SLC4A5: variants seen among roughly 807,000 people sequenced by gnomAD.
SLC4A5 encodes electrogenic sodium bicarbonate cotransporter 4.
In SLC4A5, 96 loss-of-function variants were observed where a neutral mutation model predicts 120.4. The ratio of observed to expected loss-of-function variants is 0.80; its 90% CI spans 0.68 to 0.94. The LOEUF is 0.94. Ranked by LOEUF, SLC4A5 falls within the 40% of genes least tolerant of loss-of-function variation. The probability of loss-of-function intolerance (pLI) is 0.00; values close to 1 mark genes in which losing one functional copy is unlikely to be tolerated. For missense variants in SLC4A5, 1,259 were observed against 1,459.5 expected (o/e 0.86, Z 2.24); for synonymous variants, 550 against 571.1 (o/e 0.96, Z 0.53).
chr2:74,264,967 G>A, intron 9 of SLC4A5, 137 bp downstream of exon 9: 2 of 956,972 alleles, frequency 2.1e-6, no homozygotes, highest in Non-Finnish European at 1.5e-6. Flanking sequence ...GGGAGCAACA[G>A]AGTCAAAGCT....
chr2:74,229,554 C>A (rs574432883), intron 25 of SLC4A5, among the ~76,000 whole-genome samples: 1 of 152,208 alleles, frequency 6.6e-6, no homozygotes, highest in South Asian at 2.1e-4. Context: ...CCACACCCAG[C>A]CTGATTCGAG....
Position 74,246,941 on chromosome 2 carries a change from C to T in SLC4A5, c.2059+95G>A, listed in dbSNP as rs1573022434. On this transcript the variant is annotated intron_variant, in intron 19 of 30. Coordinates refer to ENST00000394019, the Ensembl canonical transcript of SLC4A5. The stretch of plus-strand genomic sequence containing the variant: ...AACTGTAAGCCCTTGGCTGAATGGC[C>T]CCTCCCCAGCAGTAGAAGTAGAGAG... 5 of 1,494,802 alleles carry T rather than the reference C, an allele frequency of 3.3e-6. No homozygotes were observed. The East Asian group carries it at 6.8e-5, about 20-fold the overall frequency. The allele number at this position is 1,494,802 out of a possible 1,614,324, so 92.6% of individuals were successfully genotyped here.
At chr2:74,264,636 T>C (rs568765270) in intron 9 of SLC4A5, among the ~76,000 whole-genome samples, 1 of 152,246 alleles carries the variant, frequency 6.6e-6, no homozygotes, top group African/African-American at 2.4e-5. Flanking sequence ...TGAACTCTTT[T>C]TAGAAAAGTA....
intron 8 of SLC4A5, among the ~76,000 whole-genome samples, chr2:74,271,226 T>C (rs1403696889): frequency 6.6e-6 from 1 of 152,190 alleles, no homozygotes; most frequent in Non-Finnish European, 1.5e-5. Context: ...CCAGCGAGAA[T>C]GCCCCTTCCT....
At chr2:74,269,559 G>A (rs544968038) in intron 8 of SLC4A5, among the ~76,000 whole-genome samples, 1 of 152,026 alleles carries the variant, frequency 6.6e-6, no homozygotes, top group Non-Finnish European at 1.5e-5. Flanking sequence ...TTGAGAGGAT[G>A]CTCAACTTTT....
At chr2:74,218,557 G>C (rs1481559245) in exon 31 of SLC4A5, 1 of 152,542 alleles carries the variant, frequency 6.6e-6, no homozygotes. Context: ...CAGGCACAGA[G>C]AAGTTAAGAC....
At chr2:74,218,593 T>A (rs985081606) in exon 31 of SLC4A5, 1 of 152,556 alleles carries the variant, frequency 6.6e-6, no homozygotes, top group Non-Finnish European at 1.5e-5. Context: ...TAAGCCAGGC[T>A]CTCCATCTCC....
chr2:74,221,044 CA>C (rs1187685567), intron 30 of SLC4A5, among the ~76,000 whole-genome samples: 1 of 151,708 alleles, frequency 6.6e-6, no homozygotes, highest in East Asian at 1.9e-4. Context: ...GGGGTTTCAC[CA>C]TGTTAGCCAG....
At chr2:74,254,581 G>A (rs764901357) in intron 14 of SLC4A5, 38 bp downstream of exon 14, 1 of 1,534,874 alleles carries the variant, frequency 6.5e-7, no homozygotes, top group Non-Finnish European at 9.0e-7. Context: ...TGCAGGAGCT[G>A]TAAAATTCAG....
At chr2:74,270,826 A>G (rs762716405) in intron 8 of SLC4A5, among the ~76,000 whole-genome samples, 13 of 152,192 alleles carry the variant, frequency 8.5e-5, no homozygotes, top group Non-Finnish European at 1.8e-4. Flanking sequence ...ACTTAGGGAT[A>G]GTTCAACTTA....
At chr2:74,241,569 C>T (rs1007020379) in intron 20 of SLC4A5, among the ~76,000 whole-genome samples, 5 of 151,722 alleles carry the variant, frequency 3.3e-5, no homozygotes, top group African/African-American at 1.2e-4. Flanking sequence ...GGTGAAACCC[C>T]GTCTCTACTA....
chr2:74,222,517 G>C (rs1235867591), intron 29 of SLC4A5, among the ~76,000 whole-genome samples: 1 of 152,184 alleles, frequency 6.6e-6, no homozygotes, highest in Non-Finnish European at 1.5e-5. Context: ...GGTGAGCATG[G>C]GCGAGCAAGC....
intron 8 of SLC4A5, among the ~76,000 whole-genome samples, chr2:74,267,980 G>A (rs924251840): frequency 3.3e-5 from 5 of 151,980 alleles, no homozygotes; most frequent in East Asian, 1.9e-4. Context: ...GTGAGAGTCC[G>A]TCTACATTTT....
Position 74,252,364 on chromosome 2 carries a change from C to A in SLC4A5, c.1293G>T (p.Glu431Asp), listed in dbSNP as rs762032201. 28 of 1,613,782 alleles carry A rather than the reference C, an allele frequency of 1.7e-5. No individual in the cohort carries two copies. The South Asian group carries it at 3.0e-4, about 17-fold the overall frequency. Residue 431 changes from glutamate (E) to aspartate (D), a missense_variant, in exon 16 of 31, where the codon GAG becomes GAT. Transcript: ENST00000394019. The stretch of plus-strand genomic sequence containing the variant: ...CCACAGAGCCATTCATCTGGCCCAG[C>A]TCTGCTAGGGAGAACACAGATTTCC...
At chr2:74,313,016 C>CT (rs371111831) in intron 6 of SLC4A5, among the ~76,000 whole-genome samples, 1,334 of 124,612 alleles carry the variant, frequency 0.011, 28 homozygotes, top group African/African-American at 0.033. Context: ...GGCACTTGTC[C>CT]TTTTTTTTTT....
chr2:74,252,228 C>T (rs777468070), exon 16 of SLC4A5: 2 of 1,612,182 alleles, frequency 1.2e-6, no homozygotes, highest in African/African-American at 2.7e-5. Flanking sequence ...GCTGGCATCT[C>T]TCCATCATCC....
At chr2:74,232,842 G>T (rs1285790373) in intron 23 of SLC4A5, among the ~76,000 whole-genome samples, 195 bp from the exon 24 acceptor site, 1 of 152,240 alleles carries the variant, frequency 6.6e-6, no homozygotes, top group Non-Finnish European at 1.5e-5. Flanking sequence ...TGCCTAAGGG[G>T]TATGGGTCAT....
At chr2:74,306,652 C>CT (rs58494912) in intron 6 of SLC4A5, 6,047 of 448,714 alleles carry the variant, frequency 0.013, no homozygotes, top group South Asian at 0.016. Context: ...TAGTTCATTT[C>CT]TTTTTTTTTT....
intron 2 of SLC4A5, among the ~76,000 whole-genome samples, chr2:74,341,619 A>T (rs1673628826): frequency 6.6e-6 from 1 of 152,206 alleles, no homozygotes; most frequent in African/African-American, 2.4e-5. Flanking sequence ...CACATCAGGC[A>T]GCCCATGCCA....
Sources: allele counts gnomAD v4.1 joint callset (sites outside exome capture counted in the v4.1 genomes callset), GRCh38; gene constraint gnomAD v4.1.1; transcripts MANE v1.5; gene names NCBI Gene and HGNC (gene_info 2026-07-23, HGNC 2026-07-21).